The following RARS2 variants were observed in gnomAD, a reference collection of about 807,000 sequenced individuals.
RARS2 encodes arginyl-tRNA synthetase 2, mitochondrial, also known as probable arginine--tRNA ligase, mitochondrial.
Under a neutral mutation model 88.5 loss-of-function variants are expected in RARS2, and 67 were observed. The ratio of observed to expected loss-of-function variants is 0.76; its 90% CI spans 0.62 to 0.93. The LOEUF (loss-of-function observed/expected upper bound fraction) is 0.93. Among genes scored for constraint, RARS2 ranks in the 40% least tolerant of loss-of-function variants. The probability of loss-of-function intolerance (pLI) is 0.00; values close to 1 mark genes in which losing one functional copy is unlikely to be tolerated. For synonymous variants in RARS2, 239 were observed against 230.3 expected, an observed-to-expected ratio of 1.04 and a Z score of -0.34; for missense variants, 664 against 684.2, an observed-to-expected ratio of 0.97 and a Z score of 0.33.
chr6:87,551,626 CAAA>C (rs71018036), intron 5 of RARS2, among the ~76,000 whole-genome samples: 152 of 65,142 alleles, frequency 2.3e-3, no homozygotes, highest in African/African-American at 9.5e-3. Context: ...TCCGTCTCAA[CAAA>C]AAAAAAAAAA....
At chr6:87,544,291 A>C (rs1257148507) in intron 7 of RARS2, among the ~76,000 whole-genome samples, 2 of 152,238 alleles carry the variant, frequency 1.3e-5, no homozygotes, top group East Asian at 3.8e-4. Flanking sequence ...AATGCAGGGC[A>C]TGTATTCTGA....
At chr6:87,549,247 T>G (rs549740907) in intron 5 of RARS2, among the ~76,000 whole-genome samples, 2 of 151,938 alleles carry the variant, frequency 1.3e-5, no homozygotes, top group African/African-American at 4.8e-5. Flanking sequence ...TCCCAGCTAT[T>G]TGGGAGGCTG....
At chr6:87,568,539 A>T (rs1007213676) in intron 2 of RARS2, among the ~76,000 whole-genome samples, 2 of 152,200 alleles carry the variant, frequency 1.3e-5, no homozygotes, top group Non-Finnish European at 2.9e-5. Flanking sequence ...TTCCCTTATT[A>T]TGCAGAATGT....
At chr6:87,551,530 T>TGA (rs1480450903) in intron 5 of RARS2, among the ~76,000 whole-genome samples, 1 of 140,732 alleles carries the variant, frequency 7.1e-6, no homozygotes, top group Non-Finnish European at 1.5e-5. Context: ...CTGGGGAGGC[T>TGA]GAGGCAGGAG....
chr6:87,539,352 T>C (rs1780185320), intron 8 of RARS2, among the ~76,000 whole-genome samples: 1 of 152,226 alleles, frequency 6.6e-6, no homozygotes, highest in African/African-American at 2.4e-5. Flanking sequence ...TAAAATTTAT[T>C]CAAAGACCTG....
intron 19 of RARS2, 23 bp from the exon 20 acceptor site, chr6:87,514,522 A>T: frequency 1.3e-6 from 2 of 1,555,028 alleles, no homozygotes; most frequent in South Asian, 2.2e-5. Flanking sequence ...TCAAAGAATG[A>T]TTTAAAATAT....
chr6:87,586,321 A>G (rs755440322), intron 1 of RARS2, among the ~76,000 whole-genome samples: 2 of 152,202 alleles, frequency 1.3e-5, no homozygotes, highest in Admixed American at 6.5e-5. Flanking sequence ...TTCTATGTAC[A>G]TATCATGCTT....
At chr6:87,546,507 C>T (rs1022500381) in intron 6 of RARS2, among the ~76,000 whole-genome samples, 1 of 152,096 alleles carries the variant, frequency 6.6e-6, no homozygotes, top group Non-Finnish European at 1.5e-5. Flanking sequence ...CCTCTTATGC[C>T]TGTATGAATT....
chr6:87,569,359 T>C (rs1768896585), intron 2 of RARS2, among the ~76,000 whole-genome samples, 158 bp downstream of exon 2: 1 of 152,162 alleles, frequency 6.6e-6, no homozygotes, highest in Non-Finnish European at 1.5e-5. Context: ...ATTATTTAAG[T>C]CAACAGGAGT....
intron 5 of RARS2, among the ~76,000 whole-genome samples, chr6:87,554,823 A>G (rs978189752): frequency 6.6e-6 from 1 of 152,148 alleles, no homozygotes; most frequent in Admixed American, 6.6e-5. Context: ...ATAACTAGTC[A>G]GGCACAGTGG....
At chr6:87,542,016 G>A (rs371077854) in intron 7 of RARS2, 22 bp from the exon 8 acceptor site, 17 of 1,587,104 alleles carry the variant, frequency 1.1e-5, no homozygotes, top group Non-Finnish European at 1.5e-5. Flanking sequence ...ATCCGTAAAT[G>A]AAAAATTATA....
At chr6:87,515,242 C>G (rs1771179707) in intron 18 of RARS2, among the ~76,000 whole-genome samples, 1 of 152,240 alleles carries the variant, frequency 6.6e-6, no homozygotes, top group Admixed American at 6.5e-5. Context: ...TATGATTTCG[C>G]AGGGCGCAGT....
chr6:87,530,771 G>T lies in RARS2; in HGVS notation c.771+13C>A. The T allele has an allele frequency of 6.2e-7, 1 of 1,613,962 alleles. No homozygotes were observed. ...TGCATCATGGGAAAGCAGAAGGGAG[G>T]GTCAACCAATACCTTGTAAACCCGA... On this transcript the variant is annotated intron_variant, in intron 9 of 19. Transcript: ENST00000369536.
rs751771696 is a variant in RARS2 at position 87,530,765 on chromosome 6, A to C, written c.771+19T>G. The stretch of plus-strand genomic sequence containing the variant: ...CTGCACTGCATCATGGGAAAGCAGA[A>C]GGGAGGGTCAACCAATACCTTGTAA... On this transcript the variant is annotated intron_variant, in intron 9 of 19. Transcript: ENST00000369536. The C allele has an allele frequency of 6.2e-7, 1 of 1,613,820 alleles. No individual in the cohort carries two copies. Among genetic ancestry groups the C allele is most frequent in the South Asian group, 1.1e-5 (1 of 91,076 alleles).
At position 87,524,608 on chromosome 6, in the gene RARS2, G is replaced by T; in HGVS notation, c.923C>A (p.Ser308Tyr). The T allele has an allele frequency of 6.2e-7, 1 of 1,613,416 alleles. No individual in the cohort carries two copies. The highest frequency in any genetic ancestry group is 8.5e-7 in the Non-Finnish European group (1 of 1,179,618). The change falls in exon 11 of 20, where the codon TCC becomes TAC. Residue 308 changes from serine (S) to tyrosine (Y), a missense_variant. Ser to Tyr is a moderately radical substitution (Grantham distance 144, BLOSUM62 -2). Coordinates refer to ENST00000369536, the MANE Select transcript of RARS2 (RefSeq NM_020320.5). ...VVDLSGNGDP[S>Y]SICTVMRSDG... Reference sequence around the variant, plus strand: ...ACTTCGCATTACAGTACAAATTGAGGAGGGGTCGCCATTCCCAGAGAGATC... The same window carrying T: ...ACTTCGCATTACAGTACAAATTGAGTAGGGGTCGCCATTCCCAGAGAGATC...
rs544816893 is a variant in RARS2, at chr6:87,526,258, A to G, written c.879-1606T>C. On this transcript the variant is annotated intron_variant, in intron 10 of 19. Transcript: ENST00000369536. ...GGGCCAGCTGTGGTGGCTCACGTCT[A>G]TAATCCCAGCACTTTGGGGGGCCAA... Among the ~76,000 whole-genome samples, 264 of 152,272 alleles carry G rather than the reference A, an allele frequency of 1.7e-3. 1 individual carries two copies. The highest frequency in any genetic ancestry group is 6.1e-3 in the African/African-American group (252 of 41,564).
intron 1 of RARS2, among the ~76,000 whole-genome samples, chr6:87,573,512 T>C (rs1770441454): frequency 6.6e-6 from 1 of 151,848 alleles, no homozygotes; most frequent in South Asian, 2.1e-4. Context: ...GGGGTTGGGG[T>C]GAATGTGGAG....
chr6:87,535,772 G>A (rs1442098388), intron 8 of RARS2, among the ~76,000 whole-genome samples: 1 of 150,836 alleles, frequency 6.6e-6, no homozygotes, highest in Non-Finnish European at 1.5e-5. Flanking sequence ...CACCTCCTGG[G>A]TTCAAGCGAT....
In RARS2 at chr6:87,530,990, T is replaced by C. The variant is rs190153204; in HGVS notation, c.613-48A>G. On this transcript the variant is annotated intron_variant, in intron 8 of 19. Coordinates refer to ENST00000369536, the MANE Select transcript of RARS2 (RefSeq NM_020320.5). ...AATGAAGTACATAACAGGTCATTGT[T>C]ATCTCTAACACGGAAAGAAAGCAAA... The C allele has an allele frequency of 1.1e-3, 1,791 of 1,610,292 alleles. 21 individuals are homozygous for C. The highest frequency in any genetic ancestry group is 2.2e-4 in the Non-Finnish European group (260 of 1,178,870).
Sources: allele counts gnomAD v4.1 joint callset (sites outside exome capture counted in the v4.1 genomes callset), GRCh38; gene constraint gnomAD v4.1.1; transcripts MANE v1.5; gene names NCBI Gene and HGNC (gene_info 2026-07-23, HGNC 2026-07-21).